Variants in CNTNAP5 observed in about 807,000 individuals in gnomAD.
CNTNAP5 encodes contactin associated protein family member 5.
A neutral mutation model predicts 150.2 loss-of-function variants in CNTNAP5; 72 were observed. The observed-to-expected ratio is 0.48, with a 90% CI of 0.40 to 0.58. CNTNAP5 has a LOEUF of 0.58. Ranked by LOEUF, CNTNAP5 falls within the 20% of genes least tolerant of loss-of-function variation. CNTNAP5 has a pLI of 0.00. For synonymous variants in CNTNAP5, 672 were observed against 619.8 expected (o/e 1.08, Z -1.25); for missense variants, 1,636 against 1,626.2 (o/e 1.01, Z -0.10).
intron 10 of CNTNAP5, 51 bp downstream of exon 10, chr2:124,527,507 T>A: frequency 6.8e-7 from 1 of 1,461,512 alleles, no homozygotes; most frequent in Non-Finnish European, 9.3e-7. Flanking sequence ...CCATTCTTAC[T>A]GTTCTAAATA....
chr2:124,510,518 T>TATATATACACACACAC (rs10641959), intron 8 of CNTNAP5, among the ~76,000 whole-genome samples: 25 of 124,892 alleles, frequency 2.0e-4, no homozygotes, highest in South Asian at 1.3e-3. Context: ...TATATATATA[T>TATATATACACACACAC]ACATATATCT....
intron 1 of CNTNAP5, among the ~76,000 whole-genome samples, chr2:124,171,907 A>T (rs895186642): frequency 6.6e-6 from 1 of 152,180 alleles, no homozygotes; most frequent in African/African-American, 2.4e-5. Context: ...GGCTATCTTC[A>T]TTTGTCCTTG....
At chr2:124,394,126 C>T (rs1401681913) in intron 3 of CNTNAP5, among the ~76,000 whole-genome samples, 2 of 151,898 alleles carry the variant, frequency 1.3e-5, no homozygotes, top group Admixed American at 1.3e-4. Context: ...AATCCCAGCA[C>T]TTTGGGAGGC....
At chr2:124,159,799 G>T (rs1197351344) in intron 1 of CNTNAP5, among the ~76,000 whole-genome samples, 2 of 152,108 alleles carry the variant, frequency 1.3e-5, no homozygotes, top group African/African-American at 2.4e-5. Flanking sequence ...TCAACAAACA[G>T]CATGTCCAGC....
chr2:124,648,476 G>A (rs567111586), intron 13 of CNTNAP5, among the ~76,000 whole-genome samples: 5 of 152,254 alleles, frequency 3.3e-5, no homozygotes, highest in South Asian at 2.1e-4. Flanking sequence ...TGGCATGAAC[G>A]GAGCCTGAGA....
chr2:124,485,509 A>G (rs1432479462), intron 7 of CNTNAP5, among the ~76,000 whole-genome samples: 1 of 149,074 alleles, frequency 6.7e-6, no homozygotes, highest in Non-Finnish European at 1.5e-5. Context: ...GTTACTCAGG[A>G]GGCTGAGGCA....
At chr2:124,713,461 T>G (rs1269504300) in intron 13 of CNTNAP5, among the ~76,000 whole-genome samples, 2 of 150,508 alleles carry the variant, frequency 1.3e-5, no homozygotes, top group South Asian at 2.1e-4. Context: ...CACTGAAACC[T>G]CCACCTCTCC....
intron 3 of CNTNAP5, among the ~76,000 whole-genome samples, chr2:124,335,906 C>T (rs1049634324): frequency 5.9e-5 from 9 of 152,000 alleles, no homozygotes; most frequent in Non-Finnish European, 1.2e-4. Flanking sequence ...CTGAAATAAA[C>T]GGATAACATA....
At chr2:124,162,489 C>T (rs539653797) in intron 1 of CNTNAP5, among the ~76,000 whole-genome samples, 31 of 152,274 alleles carry the variant, frequency 2.0e-4, no homozygotes, top group Non-Finnish European at 4.0e-4. Flanking sequence ...GCTGGCTTGC[C>T]ACCTGGTTAG....
intron 19 of CNTNAP5, among the ~76,000 whole-genome samples, chr2:124,800,230 C>T (rs752306853): frequency 6.6e-6 from 1 of 152,048 alleles, no homozygotes; most frequent in Non-Finnish European, 1.5e-5. Context: ...TGGTTACAAC[C>T]AATGCGAGAT....
At chr2:124,774,778 G>A (rs1400854791) in intron 17 of CNTNAP5, among the ~76,000 whole-genome samples, 12 of 152,058 alleles carry the variant, frequency 7.9e-5, no homozygotes, top group African/African-American at 1.4e-4. Flanking sequence ...ATATAAAGAC[G>A]GAATAATTTT....
At chr2:124,522,279 C>A (rs764118085) in intron 8 of CNTNAP5, among the ~76,000 whole-genome samples, 1 of 152,188 alleles carries the variant, frequency 6.6e-6, no homozygotes, top group Non-Finnish European at 1.5e-5. Context: ...TAGGCTCTAC[C>A]AAGGCAGGTC....
intron 13 of CNTNAP5, among the ~76,000 whole-genome samples, chr2:124,651,250 T>C (rs1194224837): frequency 1.3e-5 from 2 of 152,218 alleles, no homozygotes; most frequent in African/African-American, 4.8e-5. Context: ...TATGAAAAAT[T>C]ATAAATTATG....
At chr2:124,133,370 T>G (rs1449946402) in intron 1 of CNTNAP5, among the ~76,000 whole-genome samples, 2 of 152,192 alleles carry the variant, frequency 1.3e-5, no homozygotes, top group Non-Finnish European at 2.9e-5. Flanking sequence ...ATCAACACCT[T>G]TTGCAAAGTG....
chr2:124,468,494 G>A (rs553648014), intron 6 of CNTNAP5, among the ~76,000 whole-genome samples: 1 of 152,034 alleles, frequency 6.6e-6, no homozygotes, highest in Non-Finnish European at 1.5e-5. Context: ...TTTTCTAGCA[G>A]TTCCGGCAGT....
chr2:124,423,832 T>G (rs1263163567), intron 4 of CNTNAP5, among the ~76,000 whole-genome samples: 2 of 147,230 alleles, frequency 1.4e-5, no homozygotes, highest in African/African-American at 5.0e-5. Context: ...GCCCGGCTAA[T>G]TTTTTGTATT....
intron 19 of CNTNAP5, among the ~76,000 whole-genome samples, chr2:124,819,730 C>A (rs1039713927): frequency 2.0e-5 from 3 of 152,138 alleles, no homozygotes; most frequent in East Asian, 1.9e-4. Flanking sequence ...GTCCAGGAAG[C>A]CAGAACACCA....
chr2:124,495,336 T>G lies in CNTNAP5; in HGVS notation c.1063-8956T>G, dbSNP rs569315401. On this transcript the variant is annotated intron_variant, in intron 7 of 23. Transcript: ENST00000682447. ...AGAGTGTCAAAAGGAGTATTAATAT[T>G]TTTGAGCTTCTTGATTCATAGTTCC... Among the ~76,000 whole-genome samples the G allele has an allele frequency of 1.5e-3, 229 of 152,336 alleles. 2 individuals are homozygous for G. The highest frequency in any genetic ancestry group is 5.1e-3 in the African/African-American group (214 of 41,574).
chr2:124,422,261 T>C (rs1197655969), intron 4 of CNTNAP5, among the ~76,000 whole-genome samples: 1 of 152,232 alleles, frequency 6.6e-6, no homozygotes, highest in Non-Finnish European at 1.5e-5. Context: ...TGCTAAAGAT[T>C]GGTAGAATTC....
Sources: gnomAD v4.1 joint callset for allele counts (sites outside exome capture counted in the v4.1 genomes callset) on GRCh38, gnomAD v4.1.1 for gene constraint, MANE v1.5 for transcripts, NCBI Gene and HGNC (gene_info 2026-07-23, HGNC 2026-07-21) for gene names.